Variants in VSTM2B observed in about 807,000 individuals in gnomAD.
VSTM2B encodes the protein V-set and transmembrane domain containing 2B.
In VSTM2B, 24 loss-of-function variants were observed where a neutral mutation model predicts 24.0. The observed-to-expected ratio is 1.00, with a 90% CI of 0.72 to 1.40. The LOEUF is 1.40. Ranked by LOEUF, VSTM2B falls within the 40% of genes most tolerant of loss-of-function variation. The probability of loss-of-function intolerance (pLI) is 0.00; values close to 1 mark genes in which losing one functional copy is unlikely to be tolerated. For missense variants in VSTM2B, 399 were observed against 416.4 expected, an observed-to-expected ratio of 0.96 and a Z score of 0.36; for synonymous variants, 226 against 194.4, an observed-to-expected ratio of 1.16 and a Z score of -1.35.
At chr19:29,527,440 C>T in intron 2 of VSTM2B, 45 bp downstream of exon 2, 1 of 1,414,402 alleles carries the variant, frequency 7.1e-7, no homozygotes, top group Non-Finnish European at 9.1e-7. Context: ...CGGCTCGCGC[C>T]CGGGGCGGCG....
rs376915726 is a variant in VSTM2B at position 29,564,120 on chromosome 19, G to C, written c.*186G>C. 279 of 554,402 alleles carry C rather than the reference G, an allele frequency of 5.0e-4. 6 individuals are homozygous for C. In the East Asian group the frequency reaches 5.5e-3, roughly 11 times the overall value. The allele number at this position is 554,402 out of a possible 1,614,324, so 34.3% of individuals were successfully genotyped here. A position where few individuals can be genotyped will look rare whatever the true frequency, so the allele number is the denominator to read the frequency against. On this transcript the variant is annotated 3_prime_UTR_variant, in exon 5 of 5. Coordinates refer to ENST00000335523, the MANE Select transcript of VSTM2B (RefSeq NM_001146339.2). ...TAGAACACCTAAAATAATGCATCTAGTTTCCAAATAATTTGGAGTTTGGCC... is the reference window on the plus strand; with the variant it reads ...TAGAACACCTAAAATAATGCATCTACTTTCCAAATAATTTGGAGTTTGGCC...
chr19:29,536,046 C>A lies in VSTM2B; in HGVS notation c.769+5756C>A, dbSNP rs566050928. ...GGATTTCATAAAGGAAATGGCTGAGCCTCACAGCTGGCAAGCAATGCCTGC... is the reference window on the plus strand; with the variant it reads ...GGATTTCATAAAGGAAATGGCTGAGACTCACAGCTGGCAAGCAATGCCTGC... On this transcript the variant is annotated intron_variant, in intron 4 of 4. Coordinates refer to ENST00000335523, the MANE Select transcript of VSTM2B (RefSeq NM_001146339.2). 6.6e-5 allele frequency among the ~76,000 whole-genome samples: 10 copies of A among 152,330 alleles called. No individual in the cohort carries two copies. In the South Asian group the frequency reaches 1.9e-3, roughly 28 times the overall value.
At position 29,563,904 on chromosome 19, in the gene VSTM2B, T is replaced by C. The variant is rs1970589794; in HGVS notation, c.828T>C (p.His276=). The change falls in exon 5 of 5, where the codon CAT becomes CAC. Residue 276 remains histidine, a synonymous_variant. Transcript: ENST00000335523. Reference sequence around the variant, plus strand: ...TGTCCCTGCTCCTGTTAGCTCTGCATAAGTTCCTGCGCCTGCTCTTGGGAC... The same window carrying C: ...TGTCCCTGCTCCTGTTAGCTCTGCACAAGTTCCTGCGCCTGCTCTTGGGAC... The part of the protein sequence containing the change: ...PLLSLLLLAL[H]KFLRLLLGH 2 of 1,552,278 alleles carry C rather than the reference T, an allele frequency of 1.3e-6. No individual in the cohort carries two copies. The highest frequency in any genetic ancestry group is 1.4e-5 in the African/African-American group (1 of 73,064).
At chr19:29,562,363 T>A (rs148975930) in intron 4 of VSTM2B, among the ~76,000 whole-genome samples, 1 of 152,316 alleles carries the variant, frequency 6.6e-6, no homozygotes, top group Non-Finnish European at 1.5e-5. Context: ...CCCAGCCTTG[T>A]CAGGGAAGCC....
chr19:29,540,183 T>C (rs1599886136), intron 4 of VSTM2B, among the ~76,000 whole-genome samples: 1 of 151,486 alleles, frequency 6.6e-6, no homozygotes, highest in Admixed American at 6.6e-5. Context: ...GAGTGGGGGG[T>C]GGGGATTCCT....
chr19:29,529,751 G>C, intron 3 of VSTM2B, 68 bp from the exon 4 acceptor site: 1 of 1,464,742 alleles, frequency 6.8e-7, no homozygotes, highest in Non-Finnish European at 9.3e-7. Flanking sequence ...GGGGCGCGAC[G>C]GCCAGGGTGG....
intron 4 of VSTM2B, among the ~76,000 whole-genome samples, chr19:29,534,915 A>AG (rs1278249834): frequency 2.0e-5 from 3 of 152,118 alleles, no homozygotes; most frequent in African/African-American, 7.2e-5. Context: ...CGAAGGAGAG[A>AG]GGGGGGACTT....
At chr19:29,547,682 G>T (rs745594165) in intron 4 of VSTM2B, among the ~76,000 whole-genome samples, 1 of 152,184 alleles carries the variant, frequency 6.6e-6, no homozygotes, top group Non-Finnish European at 1.5e-5. Flanking sequence ...CAGAAGAGAA[G>T]AAGGCAGAGG....
intron 4 of VSTM2B, among the ~76,000 whole-genome samples, chr19:29,544,342 C>T (rs1339725205): frequency 4.6e-5 from 7 of 150,860 alleles, no homozygotes; most frequent in South Asian, 2.1e-4. Context: ...CTGGCTAACA[C>T]GGTGAAACCC....
At chr19:29,529,678 G>A in intron 3 of VSTM2B, 141 bp from the exon 4 acceptor site, 1 of 844,952 alleles carries the variant, frequency 1.2e-6, no homozygotes, top group African/African-American at 1.7e-5. Context: ...GCGGGTGAAA[G>A]GGAAGCCGGA....
At chr19:29,542,534 T>C (rs548550248) in intron 4 of VSTM2B, among the ~76,000 whole-genome samples, 1 of 150,310 alleles carries the variant, frequency 6.7e-6, no homozygotes, top group South Asian at 2.1e-4. Context: ...AATGAATGGG[T>C]GGGTGGAGGG....
Position 29,526,736 on chromosome 19 carries a change from A to G in VSTM2B, c.82+71A>G. On this transcript the variant is annotated intron_variant, in intron 1 of 4. Transcript: ENST00000335523. This position sits in a 1 kb window ranked among gnomAD's most constrained non-coding sequence, Gnocchi z 4.1. Reference sequence around the variant, plus strand: ...TGCTGGGGCCGCCACCGAGAAGAAGAAGAAAGAGAACGAACCGGGAAGCTT... The same window carrying G: ...TGCTGGGGCCGCCACCGAGAAGAAGGAGAAAGAGAACGAACCGGGAAGCTT... 2 of 1,377,680 alleles carry G rather than the reference A, an allele frequency of 1.5e-6. No homozygotes were observed. Among genetic ancestry groups the G allele is most frequent in the African/African-American group, 2.9e-5 (2 of 68,216 alleles). The allele number at this position is 1,377,680 out of a possible 1,614,324, so 85.3% of individuals were successfully genotyped here.
At chr19:29,532,229 A>C (rs1315777109) in intron 4 of VSTM2B, among the ~76,000 whole-genome samples, 1 of 152,178 alleles carries the variant, frequency 6.6e-6, no homozygotes, top group Non-Finnish European at 1.5e-5. Context: ...AGAAGTGGTA[A>C]ATATTACTTC....
At chr19:29,543,539 G>A (rs539023278) in intron 4 of VSTM2B, among the ~76,000 whole-genome samples, 4 of 152,230 alleles carry the variant, frequency 2.6e-5, no homozygotes, top group Non-Finnish European at 2.9e-5. Flanking sequence ...GCCTCCTCCC[G>A]GACCTCAGGC....
chr19:29,557,435 A>T (rs1426755666), intron 4 of VSTM2B, among the ~76,000 whole-genome samples: 1 of 152,236 alleles, frequency 6.6e-6, no homozygotes, highest in Non-Finnish European at 1.5e-5. Flanking sequence ...ACGGTGGCTT[A>T]TGCCTGTAAT....
intron 4 of VSTM2B, among the ~76,000 whole-genome samples, chr19:29,535,627 G>A (rs891233742): frequency 3.9e-5 from 6 of 152,348 alleles, no homozygotes; most frequent in African/African-American, 9.6e-5. Flanking sequence ...GAGCATCCGC[G>A]GATGTCGCCA....
intron 4 of VSTM2B, among the ~76,000 whole-genome samples, chr19:29,553,628 G>C (rs952146433): frequency 2.0e-4 from 30 of 152,164 alleles, no homozygotes; most frequent in Non-Finnish European, 2.9e-5. Flanking sequence ...ACAGAAGTAG[G>C]CTTCAGAAGG....
intron 4 of VSTM2B, among the ~76,000 whole-genome samples, chr19:29,553,526 C>G (rs746305683): frequency 3.9e-5 from 6 of 152,222 alleles, no homozygotes; most frequent in Non-Finnish European, 7.3e-5. Flanking sequence ...ACTGAAAACT[C>G]AGAACGCCAG....
At chr19:29,539,100 T>C (rs949594294) in intron 4 of VSTM2B, among the ~76,000 whole-genome samples, 3 of 152,030 alleles carry the variant, frequency 2.0e-5, no homozygotes, top group African/African-American at 4.8e-5. Flanking sequence ...ATCCCCATAC[T>C]AGTCTGGTTG....
Sources: allele counts gnomAD v4.1 joint callset (sites outside exome capture counted in the v4.1 genomes callset), GRCh38; gene constraint gnomAD v4.1.1; non-coding constraint Gnocchi (gnomAD v3.1); transcripts MANE v1.5; gene names NCBI Gene and HGNC (gene_info 2026-07-23, HGNC 2026-07-21).